The following TBC1D32 variants were observed in gnomAD, a reference collection of about 807,000 sequenced individuals.
TBC1D32 encodes the protein protein broad-minded.
TBC1D32 carries 151 observed loss-of-function variants against 170.3 expected under a neutral mutation model. The ratio of observed to expected loss-of-function variants is 0.89; its 90% CI spans 0.78 to 1.01. TBC1D32 has a LOEUF of 1.01. Ranked by LOEUF, TBC1D32 falls within the 50% of genes least tolerant of loss-of-function variation. TBC1D32 has a pLI of 0.00. For synonymous variants in TBC1D32, 498 were observed against 488.0 expected (o/e 1.02, Z -0.27); for missense variants, 1,464 against 1,457.1 (o/e 1.00, Z -0.08).
intron 30 of TBC1D32, among the ~76,000 whole-genome samples, chr6:121,104,819 T>A (rs1294880512): frequency 6.6e-6 from 1 of 151,684 alleles, no homozygotes; most frequent in Non-Finnish European, 1.5e-5. Flanking sequence ...AGACTGAGTA[T>A]AATAACACAA....
Position 121,241,560 on chromosome 6 carries a change from C to G in TBC1D32, c.2158-8G>C. 6.2e-7 allele frequency: 1 copy of G among 1,611,394 alleles called. No homozygotes were observed. Among genetic ancestry groups the G allele is most frequent in the Non-Finnish European group, 8.5e-7 (1 of 1,178,110 alleles). On this transcript the variant is annotated splice_region_variant and splice_polypyrimidine_tract_variant and intron_variant, in intron 18 of 31. Coordinates refer to ENST00000398212, the MANE Select transcript of TBC1D32 (RefSeq NM_152730.6). ...TTTTTTATGCCTGCTGACCTAACAG[C>G]ATAAATAAGGAACAGCAATGAAAAG...
At chr6:121,133,760 T>C (rs1445676267) in intron 24 of TBC1D32, among the ~76,000 whole-genome samples, 1 of 152,096 alleles carries the variant, frequency 6.6e-6, no homozygotes, top group East Asian at 1.9e-4. Flanking sequence ...AAAAGCTCTT[T>C]TGTTGAAAGC....
chr6:121,259,822 C>T (rs1372875098), intron 15 of TBC1D32, among the ~76,000 whole-genome samples: 1 of 152,152 alleles, frequency 6.6e-6, no homozygotes, highest in Admixed American at 6.5e-5. Flanking sequence ...AACAGAAGAG[C>T]TGCCTGAAAG....
intron 21 of TBC1D32, among the ~76,000 whole-genome samples, chr6:121,217,546 G>A (rs971268847): frequency 3.0e-4 from 46 of 152,290 alleles, no homozygotes; most frequent in African/African-American, 1.0e-3. Context: ...TACACAAACA[G>A]AAAATCAAAT....
chr6:121,159,194 A>G (rs1283236316), intron 24 of TBC1D32, among the ~76,000 whole-genome samples: 1 of 152,196 alleles, frequency 6.6e-6, no homozygotes, highest in African/African-American at 2.4e-5. Context: ...ACATTTTTCT[A>G]TTTAGTTCCC....
At chr6:121,329,596 G>A (rs963635935) in intron 1 of TBC1D32, among the ~76,000 whole-genome samples, 6 of 152,058 alleles carry the variant, frequency 3.9e-5, no homozygotes, top group African/African-American at 7.2e-5. Flanking sequence ...AGGTTGCAGC[G>A]AGCTGAGATC....
At chr6:121,319,100 A>C (rs1809332944) in intron 2 of TBC1D32, among the ~76,000 whole-genome samples, 1 of 150,706 alleles carries the variant, frequency 6.6e-6, no homozygotes, top group African/African-American at 2.4e-5. Flanking sequence ...TATCATACAG[A>C]ACTAAAAGTT....
At chr6:121,218,643 TC>T (rs1794118192) in intron 21 of TBC1D32, among the ~76,000 whole-genome samples, 1 of 152,144 alleles carries the variant, frequency 6.6e-6, no homozygotes, top group South Asian at 2.1e-4. Context: ...TCAGCCTACA[TC>T]TTTCTCCCCT....
intron 17 of TBC1D32, among the ~76,000 whole-genome samples, chr6:121,252,810 A>T (rs1798468991): frequency 6.6e-6 from 1 of 152,210 alleles, no homozygotes; most frequent in South Asian, 2.1e-4. Flanking sequence ...CCAAATACTT[A>T]CAGCCAACTG....
chr6:121,138,271 G>A (rs545791098), intron 24 of TBC1D32, among the ~76,000 whole-genome samples: 2 of 151,926 alleles, frequency 1.3e-5, no homozygotes, highest in African/African-American at 4.8e-5. Flanking sequence ...TCCTTATTTT[G>A]GATTTATCAT....
At chr6:121,283,216 G>A (rs1460795675) in intron 13 of TBC1D32, among the ~76,000 whole-genome samples, 1 of 151,738 alleles carries the variant, frequency 6.6e-6, no homozygotes, top group Non-Finnish European at 1.5e-5. Flanking sequence ...TTAGAACACT[G>A]TATGTCTATG....
intron 15 of TBC1D32, among the ~76,000 whole-genome samples, chr6:121,275,192 TG>T (rs1802051936): frequency 6.6e-6 from 1 of 152,188 alleles, no homozygotes; most frequent in Admixed American, 6.5e-5. Flanking sequence ...AGAGATAAAT[TG>T]TTGTAATGTA....
At chr6:121,198,156 A>G (rs963028386) in intron 22 of TBC1D32, among the ~76,000 whole-genome samples, 1 of 145,600 alleles carries the variant, frequency 6.9e-6, no homozygotes, top group African/African-American at 2.6e-5. Flanking sequence ...CCCTTTGTAG[A>G]TATATAATAT....
At chr6:121,198,239 A>G in intron 22 of TBC1D32, among the ~76,000 whole-genome samples, 1 of 23,038 alleles carries the variant, frequency 4.3e-5, no homozygotes, top group South Asian at 0.012. Context: ...ATATATAAAT[A>G]TATATATTAT....
intron 15 of TBC1D32, among the ~76,000 whole-genome samples, chr6:121,276,134 AAC>A (rs1441555225): frequency 3.3e-5 from 5 of 151,508 alleles, no homozygotes; most frequent in East Asian, 3.9e-4. Context: ...AAAAAAAAAA[AAC>A]AAACGACAAT....
In TBC1D32 at chr6:121,283,929, G is replaced by A. The variant is rs749694681; in HGVS notation, c.1373-19C>T. On this transcript the variant is annotated intron_variant, in intron 12 of 31. Coordinates refer to ENST00000398212, the MANE Select transcript of TBC1D32 (RefSeq NM_152730.6). ...ACCAAACCTTTAAAAAGAAAATAAAGAGAAAATTAATTTCTAGCATATTCT... is the reference window on the plus strand; with the variant it reads ...ACCAAACCTTTAAAAAGAAAATAAAAAGAAAATTAATTTCTAGCATATTCT... 1.3e-6 allele frequency: 2 copies of A among 1,511,332 alleles called. No individual in the cohort carries two copies. The highest frequency in any genetic ancestry group is 2.3e-5 in the East Asian group (1 of 43,816). The allele number at this position is 1,511,332 out of a possible 1,614,324, so 93.6% of individuals were successfully genotyped here. A position where few individuals can be genotyped will look rare whatever the true frequency, so the allele number is the denominator to read the frequency against.
At chr6:121,102,884 A>G (rs2128188276) in intron 30 of TBC1D32, among the ~76,000 whole-genome samples, 1 of 152,286 alleles carries the variant, frequency 6.6e-6, no homozygotes, top group Non-Finnish European at 1.5e-5. Flanking sequence ...AACTCAAACA[A>G]ACTTACAAGA....
chr6:121,239,010 G>C (rs559514007), intron 20 of TBC1D32, 60 bp downstream of exon 20: 1 of 909,964 alleles, frequency 1.1e-6, no homozygotes, highest in Non-Finnish European at 1.7e-6. Flanking sequence ...AAGTATGAAC[G>C]AATTCATTTC....
At chr6:121,100,764 CA>C (rs1252994576) in intron 30 of TBC1D32, among the ~76,000 whole-genome samples, 31 of 151,864 alleles carry the variant, frequency 2.0e-4, no homozygotes, top group Non-Finnish European at 2.9e-5. Context: ...GACAGAGAAA[CA>C]AAAAACCCTT....
Sources: allele counts gnomAD v4.1 joint callset (sites outside exome capture counted in the v4.1 genomes callset), GRCh38; gene constraint gnomAD v4.1.1; transcripts MANE v1.5; gene names NCBI Gene and HGNC (gene_info 2026-07-23, HGNC 2026-07-21).